NHSL1: variants seen among roughly 807,000 people sequenced by gnomAD.
NHSL1 encodes NHS like 1.
NHSL1 carries 48 observed loss-of-function variants against 95.0 expected under a neutral mutation model. The observed-to-expected ratio is 0.51, with a 90% confidence interval of 0.40 to 0.64. The LOEUF (loss-of-function observed/expected upper bound fraction) is 0.64. Among genes scored for constraint, NHSL1 ranks in the 30% least tolerant of loss-of-function variants. NHSL1 has a pLI of 0.00. For synonymous variants in NHSL1, 783 were observed against 833.9 expected, an observed-to-expected ratio of 0.94 and a Z score of 1.05; for missense variants, 1,971 against 2,077.7, an observed-to-expected ratio of 0.95 and a Z score of 1.00.
chr6:138,446,754 A>C (rs1776887524), intron 4 of NHSL1: 4 of 501,826 alleles, frequency 8.0e-6, no homozygotes, highest in Non-Finnish European at 1.4e-5. Flanking sequence ...TCTTAAGATG[A>C]ATGGTTGGAC....
intron 1 of NHSL1, among the ~76,000 whole-genome samples, chr6:138,525,204 C>CA: frequency 6.6e-6 from 1 of 152,020 alleles, no homozygotes; most frequent in East Asian, 1.9e-4. Context: ...GTCATACAGA[C>CA]AAAAAAGATA....
chr6:138,528,514 G>A (rs1782004901), intron 1 of NHSL1, among the ~76,000 whole-genome samples: 1 of 152,166 alleles, frequency 6.6e-6, no homozygotes, highest in African/African-American at 2.4e-5. Flanking sequence ...GATGTTTTGA[G>A]AGGGAAAAAC....
chr6:138,596,670 A>G (rs1217373933), intron 1 of NHSL1, among the ~76,000 whole-genome samples: 1 of 152,122 alleles, frequency 6.6e-6, no homozygotes, highest in Non-Finnish European at 1.5e-5. Context: ...GAGGAGCTCA[A>G]TGCAGCTAAT....
upstream of NHSL1, among the ~76,000 whole-genome samples, chr6:138,500,607 T>A (rs886486464): frequency 6.6e-6 from 1 of 152,210 alleles, no homozygotes; most frequent in Non-Finnish European, 1.5e-5. Flanking sequence ...TTCAAAACAT[T>A]TAGTTTATAA....
At chr6:138,570,700 C>T (rs1364559266) in intron 1 of NHSL1, among the ~76,000 whole-genome samples, 2 of 152,236 alleles carry the variant, frequency 1.3e-5, no homozygotes, top group Non-Finnish European at 2.9e-5. Context: ...ACATATTTAA[C>T]TTAGTTGATT....
intron 1 of NHSL1, among the ~76,000 whole-genome samples, chr6:138,664,468 G>A (rs1446082254): frequency 1.3e-5 from 2 of 152,134 alleles, no homozygotes; most frequent in Non-Finnish European, 2.9e-5. Context: ...GAGCACTACT[G>A]GGCAAAAGGA....
At chr6:138,687,733 A>AC (rs1484439992) in intron 1 of NHSL1, among the ~76,000 whole-genome samples, 5 of 152,338 alleles carry the variant, frequency 3.3e-5, no homozygotes, top group African/African-American at 1.2e-4. Flanking sequence ...GCTAAGTAAA[A>AC]AAAGCCAGGC....
chr6:138,465,772 G>T (rs1422319196), intron 3 of NHSL1, among the ~76,000 whole-genome samples: 1 of 144,678 alleles, frequency 6.9e-6, no homozygotes, highest in Non-Finnish European at 1.5e-5. Flanking sequence ...CGCCTAGGCT[G>T]GAGTGCAGGG....
intron 1 of NHSL1, among the ~76,000 whole-genome samples, chr6:138,628,244 G>C (rs1007863707): frequency 6.6e-6 from 1 of 150,806 alleles, no homozygotes; most frequent in African/African-American, 2.5e-5. Context: ...CCTGGGAAGC[G>C]GAGGTTGCGG....
At chr6:138,428,597 C>T (rs758454086) in intron 7 of NHSL1, among the ~76,000 whole-genome samples, 1 of 152,118 alleles carries the variant, frequency 6.6e-6, no homozygotes, top group Non-Finnish European at 1.5e-5. Flanking sequence ...ATTAATTCAC[C>T]GGCTTCGTTC....
chr6:138,506,197 G>A (rs1435954681), intron 1 of NHSL1, among the ~76,000 whole-genome samples: 1 of 152,100 alleles, frequency 6.6e-6, no homozygotes, highest in East Asian at 1.9e-4. Context: ...AATAGATAAA[G>A]ATAATTTAGG....
At chr6:138,571,813 C>T (rs1378101050) in exon 1 of NHSL1, 1 of 1,552,188 alleles carries the variant, frequency 6.4e-7, no homozygotes, top group Admixed American at 2.0e-5. Context: ...TCTTTGTCTG[C>T]CTGGACAAGG....
In NHSL1 at chr6:138,613,119, G is replaced by T. The variant is rs117742217; in HGVS notation, c.96+79357C>A. Among the ~76,000 whole-genome samples the T allele has an allele frequency of 5.3e-4, 81 of 152,298 alleles. No individual in the cohort carries two copies. In the East Asian group the frequency reaches 0.015, roughly 28 times the overall value. ...GAGTGGAAATAAAATGATGCAAACA[G>T]GTATGGAACGCTGCCTCAAGGTTGG... is the stretch of plus-strand genomic sequence containing the variant. On this transcript the variant is annotated intron_variant, in intron 1 of 3. Coordinates refer to the NHSL1 transcript ENST00000491526.
intron 1 of NHSL1, among the ~76,000 whole-genome samples, chr6:138,617,688 G>A (rs62432531): frequency 0.03 from 4,600 of 152,308 alleles, 108 homozygotes; most frequent in Non-Finnish European, 0.044. Context: ...GATACTAGAC[G>A]ACTATCAGCT....
At chr6:138,615,246 T>G (rs189264955) in intron 1 of NHSL1, among the ~76,000 whole-genome samples, 96 of 152,294 alleles carry the variant, frequency 6.3e-4, no homozygotes, top group Middle Eastern at 3.4e-3. Context: ...AGGAAAATTT[T>G]GTTGTTGCTT....
intron 1 of NHSL1, among the ~76,000 whole-genome samples, chr6:138,551,045 T>C (rs900962896): frequency 2.6e-5 from 4 of 152,210 alleles, no homozygotes; most frequent in African/African-American, 9.7e-5. Flanking sequence ...GAGAGAGATA[T>C]CAAGACAGAG....
chr6:138,508,546 C>T (rs1781073263), intron 1 of NHSL1, among the ~76,000 whole-genome samples: 1 of 152,138 alleles, frequency 6.6e-6, no homozygotes, highest in African/African-American at 2.4e-5. Context: ...TACTGATACC[C>T]CATCTTGTGG....
intron 1 of NHSL1, among the ~76,000 whole-genome samples, chr6:138,559,408 A>G (rs1052291584): frequency 2.0e-5 from 3 of 152,234 alleles, no homozygotes; most frequent in African/African-American, 7.2e-5. Context: ...CCAACTTTCA[A>G]GGCTTATACA....
intron 1 of NHSL1, among the ~76,000 whole-genome samples, chr6:138,639,762 C>G (rs934136386): frequency 2.4e-5 from 3 of 126,718 alleles, no homozygotes; most frequent in African/African-American, 9.0e-5. Context: ...GCCAAGGTCG[C>G]ACCTCTAGCC....
Sources: gnomAD v4.1 joint callset for allele counts (sites outside exome capture counted in the v4.1 genomes callset) on GRCh38, gnomAD v4.1.1 for gene constraint, MANE v1.5 for transcripts, NCBI Gene and HGNC (gene_info 2026-07-23, HGNC 2026-07-21) for gene names.